Variants in ZNF704 observed in about 807,000 individuals in gnomAD.
ZNF704 encodes glucocorticoid induced gene 1.
Under a neutral mutation model 44.7 loss-of-function variants are expected in ZNF704, and 10 were observed. The observed-to-expected ratio is 0.22, with a 90% confidence interval of 0.14 to 0.38. The LOEUF is 0.38. Ranked by LOEUF, ZNF704 falls within the 10% of genes least tolerant of loss-of-function variation. The pLI is 1.00. For synonymous variants in ZNF704, 211 were observed against 207.6 expected (o/e 1.02, Z -0.14); for missense variants, 390 against 545.5 (o/e 0.71, Z 2.84).
intron 2 of ZNF704, among the ~76,000 whole-genome samples, chr8:80,760,473 T>C (rs936536991): frequency 6.6e-6 from 1 of 151,796 alleles, no homozygotes; most frequent in African/African-American, 2.4e-5. Context: ...CTGGCCAACA[T>C]GGTGAAACCC....
intron 4 of ZNF704, among the ~76,000 whole-genome samples, chr8:80,673,756 A>C (rs975146562): frequency 2.0e-5 from 3 of 152,236 alleles, no homozygotes; most frequent in Non-Finnish European, 4.4e-5. Flanking sequence ...AAGAGTGCTC[A>C]TGTGTTGGTG....
chr8:80,718,457 G>C (rs1295202484), intron 2 of ZNF704, among the ~76,000 whole-genome samples: 1 of 152,094 alleles, frequency 6.6e-6, no homozygotes, highest in Non-Finnish European at 1.5e-5. Flanking sequence ...GTTGTTGTTG[G>C]GGTTGGCTAG....
intron 1 of ZNF704, among the ~76,000 whole-genome samples, chr8:80,863,073 T>C (rs1809096576): frequency 6.6e-6 from 1 of 152,082 alleles, no homozygotes; most frequent in South Asian, 2.1e-4. Flanking sequence ...CTGTAACTAA[T>C]ATATGATAAA....
At chr8:80,751,651 T>C (rs1806945907) in intron 2 of ZNF704, among the ~76,000 whole-genome samples, 1 of 152,244 alleles carries the variant, frequency 6.6e-6, no homozygotes, top group Non-Finnish European at 1.5e-5. Flanking sequence ...TTGAAATTGC[T>C]TGATGCTAAA....
intron 2 of ZNF704, among the ~76,000 whole-genome samples, chr8:80,817,403 A>G (rs1808194275): frequency 1.3e-5 from 2 of 152,228 alleles, no homozygotes; most frequent in African/African-American, 4.8e-5. Flanking sequence ...AGGACTCCTG[A>G]GGGCCTTGCC....
intron 1 of ZNF704, among the ~76,000 whole-genome samples, chr8:80,845,108 C>T (rs552514311): frequency 5.3e-5 from 8 of 152,272 alleles, no homozygotes; most frequent in African/African-American, 1.9e-4. Flanking sequence ...CTCCCCTCCA[C>T]AAATTTTTAG....
chr8:80,833,089 T>C (rs1250807546), intron 1 of ZNF704, among the ~76,000 whole-genome samples: 1 of 152,226 alleles, frequency 6.6e-6, no homozygotes, highest in Non-Finnish European at 1.5e-5. Flanking sequence ...GGCTCATGCC[T>C]GTAGTCTCAG....
intron 1 of ZNF704, among the ~76,000 whole-genome samples, chr8:80,855,841 T>G (rs1157774410): frequency 6.6e-6 from 1 of 152,216 alleles, no homozygotes; most frequent in African/African-American, 2.4e-5. Flanking sequence ...TAACGAAGAC[T>G]ATAGTGAAAC....
chr8:80,848,171 T>C (rs951473452), intron 1 of ZNF704, among the ~76,000 whole-genome samples: 1 of 152,312 alleles, frequency 6.6e-6, no homozygotes, highest in African/African-American at 2.4e-5. Context: ...TCCATGTATA[T>C]AACATTCTCA....
intron 1 of ZNF704, among the ~76,000 whole-genome samples, chr8:80,873,214 C>T (rs1170355872): frequency 1.3e-5 from 2 of 152,240 alleles, no homozygotes; most frequent in East Asian, 3.9e-4. Flanking sequence ...CACGAACCGG[C>T]GCCTCCGTGG....
At chr8:80,879,018 G>A (rs75353968), upstream of ZNF704, among the ~76,000 whole-genome samples, 4,106 of 152,260 alleles carry the variant, frequency 0.027, 205 homozygotes, top group African/African-American at 0.095. Flanking sequence ...GAATCATACT[G>A]TGGGGATTAT....
chr8:80,731,843 T>G (rs1806587214), intron 2 of ZNF704, among the ~76,000 whole-genome samples: 1 of 152,212 alleles, frequency 6.6e-6, no homozygotes, highest in Non-Finnish European at 1.5e-5. Context: ...ATGCACATTT[T>G]CCCTTTTTAT....
chr8:80,803,931 T>C (rs1807943467), intron 2 of ZNF704, among the ~76,000 whole-genome samples: 1 of 151,968 alleles, frequency 6.6e-6, no homozygotes, highest in South Asian at 2.1e-4. Flanking sequence ...TTGCCATCTA[T>C]CCATCTGACA....
At chr8:80,821,333 C>T in intron 2 of ZNF704, 41 bp downstream of exon 2, 1 of 1,592,638 alleles carries the variant, frequency 6.3e-7, no homozygotes, top group Non-Finnish European at 8.6e-7. Flanking sequence ...TCTCCACCAA[C>T]TTCCTGGGGC....
At chr8:80,791,402 G>A (rs1563554667) in intron 2 of ZNF704, among the ~76,000 whole-genome samples, 1 of 152,170 alleles carries the variant, frequency 6.6e-6, no homozygotes, top group Non-Finnish European at 1.5e-5. Flanking sequence ...ATCAAAGTAG[G>A]TGAAAAATAC....
At chr8:80,677,433 T>C (rs769722877) in intron 4 of ZNF704, among the ~76,000 whole-genome samples, 25 of 152,218 alleles carry the variant, frequency 1.6e-4, no homozygotes, top group Non-Finnish European at 2.9e-4. Flanking sequence ...AGGTAGATGA[T>C]ACATTTTGGA....
At chr8:80,785,693 T>C (rs1183603528) in intron 2 of ZNF704, among the ~76,000 whole-genome samples, 4 of 152,188 alleles carry the variant, frequency 2.6e-5, no homozygotes, top group African/African-American at 9.6e-5. Context: ...ATCAGTGAGG[T>C]TTGTTTTTGT....
intron 1 of ZNF704, among the ~76,000 whole-genome samples, chr8:80,831,526 G>T (rs887373100): frequency 1.3e-5 from 2 of 152,140 alleles, no homozygotes; most frequent in African/African-American, 4.8e-5. Flanking sequence ...GAGACAATCT[G>T]AAAAATCACT....
chr8:80,811,413 T>C (rs1808079922), intron 2 of ZNF704, among the ~76,000 whole-genome samples: 1 of 152,234 alleles, frequency 6.6e-6, no homozygotes, highest in South Asian at 2.1e-4. Flanking sequence ...ACCTTTTTTT[T>C]TGGTGACTAG....
Sources: gnomAD v4.1 joint callset for allele counts (sites outside exome capture counted in the v4.1 genomes callset) on GRCh38, gnomAD v4.1.1 for gene constraint, MANE v1.5 for transcripts, NCBI Gene and HGNC (gene_info 2026-07-23, HGNC 2026-07-21) for gene names.